The following CDIPT variants were observed in gnomAD, a reference collection of about 807,000 sequenced individuals.
CDIPT encodes the protein PI synthase.
CDIPT carries 17 observed loss-of-function variants against 21.6 expected under a neutral mutation model. That is an observed-to-expected ratio of 0.79 (90% CI 0.54 to 1.18). The LOEUF is 1.18. Among genes scored for constraint, CDIPT ranks in the 50% most tolerant of loss-of-function variants. The pLI, the probability that CDIPT is intolerant of heterozygous loss-of-function variation, is 0.00. For missense variants in CDIPT, 254 were observed against 284.9 expected (o/e 0.89, Z 0.78); for synonymous variants, 119 against 117.9 (o/e 1.01, Z -0.06).
chr16:29,858,973 G>T lies in CDIPT; in HGVS notation c.*216C>A. 1 of 597,976 alleles carries T rather than the reference G, an allele frequency of 1.7e-6. No homozygotes were observed. The highest frequency in any genetic ancestry group is 2.9e-6 in the Non-Finnish European group (1 of 340,576). The allele number at this position is 597,976 out of a possible 1,614,324, so 37.0% of individuals were successfully genotyped here. On this transcript the variant is annotated 3_prime_UTR_variant, in exon 6 of 6. Transcript: ENST00000219789. ...GCACCCCAGGAGCACCGCCTGGATG[G>T]AGGGGGCCTCCCGCGTATCCTCCCT...
chr16:29,861,051 GCCCACCCC>G (rs1567402339), intron 3 of CDIPT, 47 bp downstream of exon 3: 5 of 1,584,302 alleles, frequency 3.2e-6, no homozygotes, highest in Non-Finnish European at 4.3e-6. Flanking sequence ...TCTAGGCTCA[GCCCACCCC>G]ACTGTAATGT....
Position 29,863,033 on chromosome 16 carries a change from G to A in CDIPT, c.-176C>T, listed in dbSNP as rs771874474. On this transcript the variant is annotated 5_prime_UTR_variant, in exon 1 of 6. Transcript: ENST00000219789. ...CCCGCAGCCGTCGGGAGCATGGACC[G>A]GCCCCGAGGTGCGCGGGACGCAGGG... 9.5e-6 allele frequency: 7 copies of A among 737,806 alleles called. No homozygotes were observed. In the Admixed American group the frequency reaches 1.4e-4, roughly 14 times the overall value. 45.7% of individuals were successfully genotyped at this position (737,806 alleles called of 1,614,324 possible). A position where few individuals can be genotyped will look rare whatever the true frequency, so the allele number is the denominator to read the frequency against.
In CDIPT at chr16:29,859,501, G is replaced by C; in HGVS notation, c.437C>G (p.Ala146Gly). The change falls in exon 5 of 6, where the codon GCT becomes GGT. Residue 146 changes from alanine to glycine, a missense_variant. By Grantham distance (60) the Ala-to-Gly change is moderately conservative. Coordinates refer to ENST00000219789, the MANE Select transcript of CDIPT (RefSeq NM_006319.5). This position sits in a 1 kb window ranked among gnomAD's most constrained non-coding sequence, Gnocchi z 4.5. Reference protein sequence around the residue: ...TSRPALFTLCAGNELFYCLLY... With the variant: ...TSRPALFTLCGGNELFYCLLY... ...GAGGCAGTAGAAGAGCTCATTCCCA[G>C]CACACAAGGTGAACAGAGCAGGCTG... The C allele has an allele frequency of 1.2e-6, 2 of 1,613,164 alleles. No homozygotes were observed. The highest frequency in any genetic ancestry group is 1.7e-6 in the Non-Finnish European group (2 of 1,179,350).
Position 29,862,203 on chromosome 16 carries a change from G to A in CDIPT, c.178+383C>T, listed in dbSNP as rs2067689065. 6.6e-6 allele frequency among the ~76,000 whole-genome samples: 1 copy of A among 152,162 alleles called. No homozygotes were observed. Among genetic ancestry groups the A allele is most frequent in the South Asian group, 2.1e-4 (1 of 4,834 alleles). ...ACTTTGGGAGCAAGGCAGGAGGATC[G>A]CTTGAGGCTAGGAGCTGGGGACCAA... On this transcript the variant is annotated intron_variant, in intron 2 of 5. Coordinates refer to ENST00000219789, the MANE Select transcript of CDIPT (RefSeq NM_006319.5). The surrounding 1 kb of genome is among the most constrained non-coding windows in gnomAD (Gnocchi z 6.7).
rs933360275 is a variant in CDIPT at position 29,858,735 on chromosome 16, G to A, written c.*454C>T. ...AAATAGTGAAGTCCCGCCAGGACCA[G>A]GGTAGGCAGGACAGAGGAGCCGGTG... On this transcript the variant is annotated 3_prime_UTR_variant, in exon 6 of 6. Transcript: ENST00000219789. The A allele has an allele frequency of 6.1e-6, 1 of 165,092 alleles. No individual in the cohort carries two copies. The highest frequency in any genetic ancestry group is 5.7e-5 in the Admixed American group (1 of 17,666). 10.2% of individuals were successfully genotyped at this position (165,092 alleles called of 1,614,324 possible). A position where few individuals can be genotyped will look rare whatever the true frequency, so the allele number is the denominator to read the frequency against.
chr16:29,861,454 G>A (rs765151542), intron 2 of CDIPT, 195 bp from the exon 3 acceptor site: 17 of 1,537,418 alleles, frequency 1.1e-5, no homozygotes, highest in Non-Finnish European at 8.7e-7. Context: ...ACTGAGAAAG[G>A]CATGAGAGTG....
At chr16:29,860,518 G>T in intron 4 of CDIPT, 63 bp downstream of exon 4, 1 of 1,100,618 alleles carries the variant, frequency 9.1e-7, no homozygotes, top group Non-Finnish European at 1.4e-6. Context: ...CTAGGACCAG[G>T]ATTCAGCCCA....
Position 29,863,092 on chromosome 16 carries a change from T to C in CDIPT, c.-235A>G. On this transcript the variant is annotated 5_prime_UTR_variant, in exon 1 of 6. Transcript: ENST00000219789. ...CAGTCCGCCCTTCCTACCCGCAACC[T>C]CCCTCGCCTCTGCCAGCCCCGCAGG... 1.8e-6 allele frequency: 1 copy of C among 543,806 alleles called. No homozygotes were observed. The highest frequency in any genetic ancestry group is 3.2e-6 in the Non-Finnish European group (1 of 309,950). The allele number at this position is 543,806 out of a possible 1,614,324, so 33.7% of individuals were successfully genotyped here. A position where few individuals can be genotyped will look rare whatever the true frequency, so the allele number is the denominator to read the frequency against.
rs1446326681 is a variant in CDIPT, at chr16:29,861,756, CAG to C, written c.179-499_179-498del. ...GTTTTTTGTTTTTTTTTTTCCGAGA[CAG>C]AGTCTTGCTCTGTCGCCCAGGCTGG... On this transcript the variant is annotated intron_variant, in intron 2 of 5. Coordinates refer to ENST00000219789, the MANE Select transcript of CDIPT (RefSeq NM_006319.5). 8 of 473,700 alleles carry C rather than the reference CAG, an allele frequency of 1.7e-5. No homozygotes were observed. In the Admixed American group the frequency reaches 2.1e-4, roughly 12 times the overall value. The allele number at this position is 473,700 out of a possible 1,614,324, so 29.3% of individuals were successfully genotyped here.
chr16:29,859,528 A>G lies in CDIPT; in HGVS notation c.415-5T>C. On this transcript the variant is annotated splice_region_variant and splice_polypyrimidine_tract_variant and intron_variant, in intron 4 of 5. Coordinates refer to ENST00000219789, the MANE Select transcript of CDIPT (RefSeq NM_006319.5). This position sits in a 1 kb window ranked among gnomAD's most constrained non-coding sequence, Gnocchi z 4.5. ...ACACAAGGTGAACAGAGCAGGCTGC[A>G]CACACAGCAAACAGGCCACGTTAGC... 1 of 1,610,296 alleles carries G rather than the reference A, an allele frequency of 6.2e-7. No individual in the cohort carries two copies.
chr16:29,859,424 C>T lies in CDIPT; in HGVS notation c.496+18G>A, dbSNP rs1328313158. ...CAGATCCCCCTCCCATCCTCCTGCCCAGCCCCTCATCTCCTACCTAAAGGT... is the reference window on the plus strand; with the variant it reads ...CAGATCCCCCTCCCATCCTCCTGCCTAGCCCCTCATCTCCTACCTAAAGGT... On this transcript the variant is annotated intron_variant, in intron 5 of 5. Transcript: ENST00000219789. This position sits in a 1 kb window ranked among gnomAD's most constrained non-coding sequence, Gnocchi z 4.5. The T allele has an allele frequency of 1.9e-6, 3 of 1,609,492 alleles. No individual in the cohort carries two copies. Among genetic ancestry groups the T allele is most frequent in the Non-Finnish European group, 2.5e-6 (3 of 1,176,870 alleles).
In CDIPT at chr16:29,858,802, T is replaced by C; in HGVS notation, c.*387A>G. 1 of 208,534 alleles carries C rather than the reference T, an allele frequency of 4.8e-6. No homozygotes were observed. The allele number at this position is 208,534 out of a possible 1,614,324, so 12.9% of individuals were successfully genotyped here. A position where few individuals can be genotyped will look rare whatever the true frequency, so the allele number is the denominator to read the frequency against. ...ATGGCTTCTTCCCTCCTGGGCATGG[T>C]GCCCCAAGCTTGCTCTGGCTGGGGG... On this transcript the variant is annotated 3_prime_UTR_variant, in exon 6 of 6. Transcript: ENST00000219789.
At position 29,859,240 on chromosome 16, in the gene CDIPT, G is replaced by A. The variant is rs762085139; in HGVS notation, c.591C>T (p.Ala197=). ...SLISVIHLIT[A]ARNMAALDAA... ...CGTCCAGGGCAGCCATGTTGCGGGC[G>A]GCCGTGATCAGGTGGATGACGCTGA... The change falls in exon 6 of 6, where the codon GCC becomes GCT. Residue 197 remains alanine (A), a synonymous_variant. Coordinates refer to ENST00000219789, the MANE Select transcript of CDIPT (RefSeq NM_006319.5). The surrounding 1 kb of genome is among the most constrained non-coding windows in gnomAD (Gnocchi z 4.5). The A allele has an allele frequency of 1.6e-5, 25 of 1,595,712 alleles. No homozygotes were observed. The highest frequency in any genetic ancestry group is 6.7e-5 in the African/African-American group (5 of 74,746).
rs1567401998 is a variant in CDIPT, at chr16:29,860,560, GGGT to G, written c.414+18_414+20del. On this transcript the variant is annotated intron_variant, in intron 4 of 5. Coordinates refer to ENST00000219789, the MANE Select transcript of CDIPT (RefSeq NM_006319.5). ...CCCACAGCCAAGAGCCTGAGGGGTG[GGGT>G]GTGCAGGAAATGCTTACCCTCGAGG... 1 of 1,508,724 alleles carries G rather than the reference GGGT, an allele frequency of 6.6e-7. No homozygotes were observed. The highest frequency in any genetic ancestry group is 9.2e-7 in the Non-Finnish European group (1 of 1,084,708). The allele number at this position is 1,508,724 out of a possible 1,614,324, so 93.5% of individuals were successfully genotyped here. A position where few individuals can be genotyped will look rare whatever the true frequency, so the allele number is the denominator to read the frequency against.
rs562099186 is a variant in CDIPT at position 29,861,894 on chromosome 16, C to G, written c.179-635G>C. ...GATTACAGGCACGCGTCACCAAGCCCGCTAATTTTTGTATTTTTAGTAGAG... is the reference window on the plus strand; with the variant it reads ...GATTACAGGCACGCGTCACCAAGCCGGCTAATTTTTGTATTTTTAGTAGAG... On this transcript the variant is annotated intron_variant, in intron 2 of 5. Coordinates refer to ENST00000219789, the MANE Select transcript of CDIPT (RefSeq NM_006319.5). Among the ~76,000 whole-genome samples, 85 of 152,092 alleles carry G rather than the reference C, an allele frequency of 5.6e-4. 1 individual carries two copies. Among genetic ancestry groups the G allele is most frequent in the Non-Finnish European group, 4.9e-4 (33 of 67,980 alleles).
chr16:29,858,963 C>A lies in CDIPT; in HGVS notation c.*226G>T. 3.4e-6 allele frequency: 2 copies of A among 585,116 alleles called. No individual in the cohort carries two copies. Among genetic ancestry groups the A allele is most frequent in the Non-Finnish European group, 6.0e-6 (2 of 331,050 alleles). 36.2% of individuals were successfully genotyped at this position (585,116 alleles called of 1,614,324 possible). ...CCCGGTCCCGGCACCCCAGGAGCAC[C>A]GCCTGGATGGAGGGGGCCTCCCGCG... On this transcript the variant is annotated 3_prime_UTR_variant, in exon 6 of 6. Coordinates refer to ENST00000219789, the MANE Select transcript of CDIPT (RefSeq NM_006319.5).
In CDIPT at chr16:29,862,526, C is replaced by G; in HGVS notation, c.178+60G>C. 6.6e-7 allele frequency: 1 copy of G among 1,526,356 alleles called. No individual in the cohort carries two copies. Among genetic ancestry groups the G allele is most frequent in the Non-Finnish European group, 8.9e-7 (1 of 1,126,842 alleles). 94.6% of individuals were successfully genotyped at this position (1,526,356 alleles called of 1,614,324 possible). A position where few individuals can be genotyped will look rare whatever the true frequency, so the allele number is the denominator to read the frequency against. The stretch of plus-strand genomic sequence containing the variant: ...CTCTGACTCTGAGGTCCCGAGGAGG[C>G]AGGGGAAGGGAGGAGGGGATTGTTG... On this transcript the variant is annotated intron_variant, in intron 2 of 5. Transcript: ENST00000219789. This position sits in a 1 kb window ranked among gnomAD's most constrained non-coding sequence, Gnocchi z 6.7.
Position 29,862,253 on chromosome 16 carries a change from T to C in CDIPT, c.178+333A>G, listed in dbSNP as rs532574184. Among the ~76,000 whole-genome samples, 5 of 152,174 alleles carry C rather than the reference T, an allele frequency of 3.3e-5. No homozygotes were observed. In the South Asian group the frequency reaches 8.3e-4, roughly 25 times the overall value. ...ATCTGGGCGACACTGCAAGACCCAG[T>C]CTCTACAAAAATTTAAAAATTAGCC... On this transcript the variant is annotated intron_variant, in intron 2 of 5. Transcript: ENST00000219789. This position sits in a 1 kb window ranked among gnomAD's most constrained non-coding sequence, Gnocchi z 6.7.
rs1241705416 is a variant in CDIPT at position 29,859,788 on chromosome 16, C to G, written c.415-265G>C. Among the ~76,000 whole-genome samples, 2 of 151,990 alleles carry G rather than the reference C, an allele frequency of 1.3e-5. No individual in the cohort carries two copies. Among genetic ancestry groups the G allele is most frequent in the African/African-American group, 4.8e-5 (2 of 41,374 alleles). On this transcript the variant is annotated intron_variant, in intron 4 of 5. Coordinates refer to ENST00000219789, the MANE Select transcript of CDIPT (RefSeq NM_006319.5). The surrounding 1 kb of genome is among the most constrained non-coding windows in gnomAD (Gnocchi z 4.5). ...TGGGAGGCTGAGACAGGCGGATCAC[C>G]TGAGGTCAGGAGTTTGGGACCAGCC...
Sources: gnomAD v4.1 joint callset for allele counts (sites outside exome capture counted in the v4.1 genomes callset) on GRCh38, gnomAD v4.1.1 for gene constraint, Gnocchi (gnomAD v3.1) non-coding constraint, MANE v1.5 for transcripts, NCBI Gene and HGNC (gene_info 2026-07-23, HGNC 2026-07-21) for gene names.